Variants in GPC5 observed in about 807,000 individuals in gnomAD.
GPC5 encodes the protein glypican-5.
GPC5 carries 47 observed loss-of-function variants against 53.9 expected under a neutral mutation model. The observed-to-expected ratio is 0.87, with a 90% CI of 0.69 to 1.11. The LOEUF (loss-of-function observed/expected upper bound fraction) is 1.11. Ranked by LOEUF, GPC5 falls within the 50% of genes most tolerant of loss-of-function variation. The pLI is 0.00. For missense variants in GPC5, 748 were observed against 713.1 expected (o/e 1.05, Z -0.56); for synonymous variants, 286 against 263.3 (o/e 1.09, Z -0.84).
At chr13:92,205,594 C>T (rs2042327923) in intron 7 of GPC5, among the ~76,000 whole-genome samples, 1 of 152,176 alleles carries the variant, frequency 6.6e-6, no homozygotes, top group Non-Finnish European at 1.5e-5. Context: ...ACAGAGGGCA[C>T]ATTCTGGGCT....
chr13:92,740,121 C>G (rs973445137), intron 7 of GPC5, among the ~76,000 whole-genome samples: 24 of 151,960 alleles, frequency 1.6e-4, no homozygotes, highest in Non-Finnish European at 4.4e-5. Context: ...ACATGCCAAG[C>G]CTCCTCCCTT....
At chr13:91,659,231 A>C (rs2034923458) in intron 2 of GPC5, among the ~76,000 whole-genome samples, 1 of 152,192 alleles carries the variant, frequency 6.6e-6, no homozygotes, top group African/African-American at 2.4e-5. Context: ...GCATAGAAAA[A>C]CCAGAAAATA....
intron 6 of GPC5, among the ~76,000 whole-genome samples, chr13:92,121,428 A>G (rs1239121337): frequency 1.3e-5 from 2 of 152,202 alleles, no homozygotes; most frequent in Non-Finnish European, 2.9e-5. Context: ...TCATTCAGCT[A>G]TGTCTCACCG....
intron 7 of GPC5, among the ~76,000 whole-genome samples, chr13:92,748,335 A>ATTATTATTC (rs1280241323): frequency 6.8e-6 from 1 of 148,000 alleles, no homozygotes; most frequent in East Asian, 2.0e-4. Context: ...TATTATTATT[A>ATTATTATTC]TTATTATTAT....
intron 7 of GPC5, among the ~76,000 whole-genome samples, chr13:92,655,557 A>C (rs1171167741): frequency 3.3e-5 from 5 of 151,698 alleles, no homozygotes; most frequent in South Asian, 2.1e-4. Context: ...ATGGTTTCGA[A>C]CTCCTGACCT....
chr13:91,434,613 T>C (rs1034637968), intron 1 of GPC5, among the ~76,000 whole-genome samples: 2 of 152,194 alleles, frequency 1.3e-5, no homozygotes, highest in African/African-American at 4.8e-5. Context: ...AGCCTTGTAG[T>C]ATAGTTTGAA....
intron 5 of GPC5, among the ~76,000 whole-genome samples, chr13:91,811,625 CA>C (rs1331615447): frequency 1.6e-5 from 2 of 124,572 alleles, no homozygotes; most frequent in East Asian, 6.8e-4. Flanking sequence ...GAACATAAAG[CA>C]ACTTTATATT....
chr13:92,366,294 G>C (rs1426928421), intron 7 of GPC5, among the ~76,000 whole-genome samples: 1 of 151,756 alleles, frequency 6.6e-6, no homozygotes, highest in East Asian at 1.9e-4. Flanking sequence ...GTAGCAGCAA[G>C]ATTCTCTGTA....
At chr13:92,281,287 G>A (rs968258790) in intron 7 of GPC5, among the ~76,000 whole-genome samples, 1 of 152,314 alleles carries the variant, frequency 6.6e-6, no homozygotes, top group Non-Finnish European at 1.5e-5. Context: ...AGCTCAAGGA[G>A]GCTTGCCTGC....
At position 92,615,354 on chromosome 13, in the gene GPC5, A is replaced by G. The variant is rs528415541; in HGVS notation, c.1562-250928A>G. ...AAATGTGTTAATCACTTAAACCACA[A>G]AAAGAGAAGCTTGCGTTTCCAGAAG... On this transcript the variant is annotated intron_variant, in intron 7 of 7. Coordinates refer to ENST00000377067, the MANE Select transcript of GPC5 (RefSeq NM_004466.6). 2.0e-5 allele frequency among the ~76,000 whole-genome samples: 3 copies of G among 152,352 alleles called. No individual in the cohort carries two copies. The East Asian group carries it at 5.8e-4, about 29-fold the overall frequency.
chr13:92,175,791 GAAA>G, intron 7 of GPC5, among the ~76,000 whole-genome samples: 1 of 148,454 alleles, frequency 6.7e-6, no homozygotes, highest in South Asian at 2.1e-4. Context: ...ATTCCTCAAA[GAAA>G]AAAAAAACAT....
At chr13:92,656,338 T>A (rs1169425596) in intron 7 of GPC5, among the ~76,000 whole-genome samples, 2 of 152,186 alleles carry the variant, frequency 1.3e-5, no homozygotes, top group Admixed American at 6.5e-5. Context: ...ATTAAAAGGA[T>A]GTTTAAGTGG....
intron 1 of GPC5, among the ~76,000 whole-genome samples, chr13:91,422,698 G>C (rs1315559405): frequency 1.3e-5 from 2 of 152,032 alleles, no homozygotes; most frequent in Admixed American, 6.6e-5. Flanking sequence ...AGCTTGAGGG[G>C]CTGCATCTGG....
intron 6 of GPC5, among the ~76,000 whole-genome samples, chr13:92,052,974 T>G (rs9560909): frequency 6.6e-6 from 1 of 151,980 alleles, no homozygotes; most frequent in Non-Finnish European, 1.5e-5. Flanking sequence ...AAAGCAGGTC[T>G]GGAAGAGGAA....
In GPC5 at chr13:91,448,921, A is replaced by G; in HGVS notation, c.324A>G (p.Gln108=). 1 of 1,612,154 alleles carries G rather than the reference A, an allele frequency of 6.2e-7. No homozygotes were observed. Among genetic ancestry groups the G allele is most frequent in the Non-Finnish European group, 8.5e-7 (1 of 1,179,054 alleles). Residue 108 remains glutamine, a splice_region_variant and synonymous_variant, in exon 2 of 8, where the codon CAA becomes CAG. Coordinates refer to ENST00000377067, the MANE Select transcript of GPC5 (RefSeq NM_004466.6). ...FLISRNAAAF[Q]ETLETLIKQA... ...TATCTCGAAATGCGGCTGCTTTTCA[A>G]GGTAAGTGGATCTTGAATTCTGCAA...
intron 2 of GPC5, among the ~76,000 whole-genome samples, chr13:91,546,300 A>T (rs2030284032): frequency 6.6e-6 from 1 of 152,132 alleles, no homozygotes; most frequent in African/African-American, 2.4e-5. Flanking sequence ...CAGAAATTTC[A>T]ATGTCCTCAA....
At chr13:92,103,687 G>A (rs2041484272) in intron 6 of GPC5, among the ~76,000 whole-genome samples, 3 of 152,262 alleles carry the variant, frequency 2.0e-5, no homozygotes, top group Admixed American at 1.3e-4. Flanking sequence ...TAAAGGCCCT[G>A]CAACAATAAC....
At chr13:91,713,929 C>T (rs1169947585) in intron 3 of GPC5, among the ~76,000 whole-genome samples, 1 of 152,104 alleles carries the variant, frequency 6.6e-6, no homozygotes, top group Non-Finnish European at 1.5e-5. Context: ...CCTAGTTAGT[C>T]TAATCTCATC....
At chr13:92,002,521 T>A (rs1026117538) in intron 6 of GPC5, among the ~76,000 whole-genome samples, 1 of 152,186 alleles carries the variant, frequency 6.6e-6, no homozygotes, top group Non-Finnish European at 1.5e-5. Flanking sequence ...CCACCAACAT[T>A]TTGTTGGATG....
Sources: gnomAD v4.1 joint callset for allele counts (sites outside exome capture counted in the v4.1 genomes callset) on GRCh38, gnomAD v4.1.1 for gene constraint, MANE v1.5 for transcripts, NCBI Gene and HGNC (gene_info 2026-07-23, HGNC 2026-07-21) for gene names.